CDH15: variants seen among roughly 807,000 people sequenced by gnomAD.
The protein encoded by CDH15 is cadherin-15.
Under a neutral mutation model 69.4 loss-of-function variants are expected in CDH15, and 73 were observed. The observed-to-expected ratio is 1.05, with a 90% CI of 0.87 to 1.28. CDH15 has a LOEUF of 1.28. Among genes scored for constraint, CDH15 ranks in the 50% most tolerant of loss-of-function variants. The pLI is 0.00. For synonymous variants in CDH15, 624 were observed against 507.7 expected, an observed-to-expected ratio of 1.23 and a Z score of -3.08; for missense variants, 1,343 against 1,133.6, an observed-to-expected ratio of 1.18 and a Z score of -2.65.
At position 89,188,116 on chromosome 16, in the gene CDH15, T is replaced by C. The variant is rs748070139; in HGVS notation, c.809T>C (p.Ile270Thr). 6.2e-6 allele frequency: 10 copies of C among 1,612,030 alleles called. No individual in the cohort carries two copies. The Admixed American group carries it at 1.5e-4, about 24-fold the overall frequency. ...FTRDEFFMEA[I>T]EAVSGVDVGR... ...CCCACCCAGTTCTTCATGGAGGCCA[T>C]AGAGGCCGTCAGCGGAGTGGATGTG... Residue 270 changes from isoleucine to threonine, a missense_variant, in exon 7 of 14, where the codon ATA becomes ACA. Physicochemically the swap from Ile to Thr is moderately conservative, Grantham distance 89. Transcript: ENST00000289746.
At chr16:89,181,304 G>A (rs945567052) in intron 3 of CDH15, among the ~76,000 whole-genome samples, 2 of 152,122 alleles carry the variant, frequency 1.3e-5, no homozygotes, top group African/African-American at 2.4e-5. Flanking sequence ...GCCCCTTGGG[G>A]GCTGGGATTC....
intron 8 of CDH15, among the ~76,000 whole-genome samples, 186 bp downstream of exon 8, chr16:89,190,682 C>A (rs1328815395): frequency 1.3e-5 from 2 of 152,060 alleles, no homozygotes; most frequent in African/African-American, 2.4e-5. Flanking sequence ...GTGACCTCAC[C>A]CCCTAGGGCA....
chr16:89,179,673 C>A (rs993582492), intron 2 of CDH15, 99 bp downstream of exon 2: 1 of 1,232,638 alleles, frequency 8.1e-7, no homozygotes, highest in Non-Finnish European at 1.1e-6. Context: ...AGCGGGGCCC[C>A]ATTTCAGGAC....
chr16:89,180,841 A>C (rs1160081810), intron 3 of CDH15, among the ~76,000 whole-genome samples: 2 of 151,932 alleles, frequency 1.3e-5, no homozygotes, highest in Non-Finnish European at 2.9e-5. Context: ...CTCCTGCCTC[A>C]GCCTCCCGAG....
chr16:89,191,020 C>A (rs111597982), intron 8 of CDH15, among the ~76,000 whole-genome samples: 3 of 136,104 alleles, frequency 2.2e-5, no homozygotes, highest in African/African-American at 8.6e-5. Context: ...TGTGTGTGCA[C>A]ATGTGTGGTA....
At position 89,188,081 on chromosome 16, in the gene CDH15, G is replaced by T; in HGVS notation, c.793-19G>T. Reference sequence around the variant, plus strand: ...CCCCCCAGCCCTGCTGGTAACTGGGGCTGGGATCCCCCACCCAGTTCTTCA... The same window carrying T: ...CCCCCCAGCCCTGCTGGTAACTGGGTCTGGGATCCCCCACCCAGTTCTTCA... On this transcript the variant is annotated intron_variant, in intron 6 of 13. Coordinates refer to ENST00000289746, the MANE Select transcript of CDH15 (RefSeq NM_004933.3). The T allele has an allele frequency of 6.2e-7, 1 of 1,600,834 alleles. No individual in the cohort carries two copies. Among genetic ancestry groups the T allele is most frequent in the South Asian group, 1.1e-5 (1 of 88,948 alleles).
intron 5 of CDH15, among the ~76,000 whole-genome samples, chr16:89,186,407 G>A (rs1246736301): frequency 1.6e-5 from 2 of 128,506 alleles, no homozygotes; most frequent in East Asian, 2.5e-4. Flanking sequence ...CTCTGTAAAC[G>A]CTCACCCAGC....
chr16:89,190,327 G>A lies in CDH15; in HGVS notation c.1063G>A (p.Ala355Thr), dbSNP rs1207947826. ...CCCGCTGCAGGCGGCTGCCCTTAGGGCTGAGCGGGGCCAGGCCAAGGTCCG... is the reference window on the plus strand; with the variant it reads ...CCCGCTGCAGGCGGCTGCCCTTAGGACTGAGCGGGGCCAGGCCAAGGTCCG... The part of the protein sequence containing the change: ...EAPLQAAALR[A>T]ERGQAKVRVH... Residue 355 changes from alanine (A) to threonine (T), a missense_variant, in exon 8 of 14, where the codon GCT (alanine) becomes ACT (threonine). Coordinates refer to ENST00000289746, the MANE Select transcript of CDH15 (RefSeq NM_004933.3). The A allele has an allele frequency of 3.8e-5, 62 of 1,612,278 alleles. No homozygotes were observed. The highest frequency in any genetic ancestry group is 4.6e-5 in the Non-Finnish European group (54 of 1,179,830).
chr16:89,188,580 A>G (rs1915551453), intron 7 of CDH15, among the ~76,000 whole-genome samples: 1 of 145,434 alleles, frequency 6.9e-6, no homozygotes, highest in Non-Finnish European at 1.5e-5. Context: ...ACATGCCGGC[A>G]CACACAGATG....
At chr16:89,182,282 C>T (rs34342908) in intron 3 of CDH15, among the ~76,000 whole-genome samples, 49 of 83,918 alleles carry the variant, frequency 5.8e-4, no homozygotes, top group Admixed American at 1.1e-3. Flanking sequence ...GCCTCCCCTC[C>T]CCCAGCCTGC....
intron 3 of CDH15, among the ~76,000 whole-genome samples, chr16:89,181,206 G>A (rs1215880031): frequency 2.0e-5 from 3 of 152,142 alleles, no homozygotes; most frequent in Non-Finnish European, 2.9e-5. Context: ...ACAGGCGTGA[G>A]CCACCACACC....
intron 1 of CDH15, among the ~76,000 whole-genome samples, chr16:89,176,049 T>G (rs919031613): frequency 1.2e-4 from 18 of 152,222 alleles, no homozygotes; most frequent in Admixed American, 1.1e-3. Flanking sequence ...ATGGGCAGCC[T>G]GGGCCTTGCT....
intron 1 of CDH15, among the ~76,000 whole-genome samples, chr16:89,172,933 A>C (rs1915187074): frequency 6.6e-6 from 1 of 152,078 alleles, no homozygotes; most frequent in Admixed American, 6.5e-5. Context: ...ACAGTGAGTA[A>C]GGGAAGCCAC....
chr16:89,180,394 G>A (rs758075235), intron 3 of CDH15, 39 bp downstream of exon 3: 1 of 1,599,344 alleles, frequency 6.3e-7, no homozygotes, highest in South Asian at 1.1e-5. Flanking sequence ...CCCTCAAGCA[G>A]GCCTGGTGGA....
chr16:89,183,801 TA>T, intron 4 of CDH15, 109 bp downstream of exon 4: 1 of 1,179,648 alleles, frequency 8.5e-7, no homozygotes, highest in South Asian at 1.5e-5. Context: ...AGTCTAAAAA[TA>T]AGTAAACAAG....
chr16:89,178,680 C>A (rs965163981), intron 1 of CDH15, among the ~76,000 whole-genome samples: 5 of 152,204 alleles, frequency 3.3e-5, no homozygotes, highest in African/African-American at 4.8e-5. Flanking sequence ...AGCTGCAGGC[C>A]GGTTCAGCCA....
At chr16:89,192,907 C>A (rs1251440419) in intron 11 of CDH15, among the ~76,000 whole-genome samples, 1 of 131,900 alleles carries the variant, frequency 7.6e-6, no homozygotes, top group African/African-American at 3.0e-5. Flanking sequence ...AACCCCGCCC[C>A]CTCAGTACCA....
chr16:89,195,279 G>C lies in CDH15; in HGVS notation c.*124G>C. Reference sequence around the variant, plus strand: ...GGGGCAGCCTCCTTCCTGTAGGCGAGGGCCCAAGTCTGGGGGCAGAACCTG... The same window carrying C: ...GGGGCAGCCTCCTTCCTGTAGGCGACGGCCCAAGTCTGGGGGCAGAACCTG... On this transcript the variant is annotated 3_prime_UTR_variant, in exon 14 of 14. Coordinates refer to ENST00000289746, the MANE Select transcript of CDH15 (RefSeq NM_004933.3). The C allele has an allele frequency of 9.5e-7, 1 of 1,054,904 alleles. No individual in the cohort carries two copies. Among genetic ancestry groups the C allele is most frequent in the Non-Finnish European group, 1.3e-6 (1 of 752,998 alleles). The allele number at this position is 1,054,904 out of a possible 1,614,324, so 65.3% of individuals were successfully genotyped here.
At chr16:89,175,009 C>T (rs184208326) in intron 1 of CDH15, among the ~76,000 whole-genome samples, 519 of 152,302 alleles carry the variant, frequency 3.4e-3, no homozygotes, top group Middle Eastern at 6.8e-3. Flanking sequence ...TTTGAGAACG[C>T]CCCCGAGAGC....
Sources: gnomAD v4.1 joint callset for allele counts (sites outside exome capture counted in the v4.1 genomes callset) on GRCh38, gnomAD v4.1.1 for gene constraint, MANE v1.5 for transcripts, NCBI Gene and HGNC (gene_info 2026-07-23, HGNC 2026-07-21) for gene names.